The following CCBE1 variants were observed in gnomAD, a reference collection of about 807,000 sequenced individuals.
CCBE1 encodes collagen and calcium-binding EGF domain-containing protein 1.
A neutral mutation model predicts 50.0 loss-of-function variants in CCBE1; 37 were observed. That is an observed-to-expected ratio of 0.74 (90% CI 0.57 to 0.97). The LOEUF (loss-of-function observed/expected upper bound fraction) is 0.97. Among genes scored for constraint, CCBE1 ranks in the 50% least tolerant of loss-of-function variants. The probability of loss-of-function intolerance (pLI) is 0.00; values close to 1 mark genes in which losing one functional copy is unlikely to be tolerated. For missense variants in CCBE1, 538 were observed against 523.8 expected, an observed-to-expected ratio of 1.03 and a Z score of -0.26; for synonymous variants, 234 against 203.7, an observed-to-expected ratio of 1.15 and a Z score of -1.27.
At chr18:59,549,725 G>A (rs925210992) in intron 2 of CCBE1, among the ~76,000 whole-genome samples, 3 of 152,250 alleles carry the variant, frequency 2.0e-5, no homozygotes, top group African/African-American at 4.8e-5. Flanking sequence ...CAATTAACTT[G>A]TCCCTAGCAA....
At chr18:59,695,705 C>G (rs1401056661) in intron 2 of CCBE1, among the ~76,000 whole-genome samples, 1 of 152,198 alleles carries the variant, frequency 6.6e-6, no homozygotes, top group Non-Finnish European at 1.5e-5. Context: ...AAGTTCGTTT[C>G]TAGGGACTGC....
At chr18:59,619,965 G>T (rs2053689836) in intron 2 of CCBE1, among the ~76,000 whole-genome samples, 1 of 152,154 alleles carries the variant, frequency 6.6e-6, no homozygotes, top group Non-Finnish European at 1.5e-5. Flanking sequence ...ACGGCAGAAA[G>T]CTGGACAAGA....
intron 5 of CCBE1, among the ~76,000 whole-genome samples, chr18:59,458,543 A>G (rs967599258): frequency 6.6e-6 from 1 of 152,234 alleles, no homozygotes; most frequent in Non-Finnish European, 1.5e-5. Context: ...CATTTAGATC[A>G]TGGAATGTTA....
intron 5 of CCBE1, 36 bp downstream of exon 5, chr18:59,466,703 T>C (rs1422829299): frequency 3.3e-6 from 5 of 1,527,662 alleles, no homozygotes; most frequent in Admixed American, 1.7e-5. Flanking sequence ...TATAAAAATA[T>C]GTAATTAGGG....
intron 2 of CCBE1, among the ~76,000 whole-genome samples, chr18:59,501,723 T>A (rs1199906925): frequency 6.6e-6 from 1 of 152,076 alleles, no homozygotes; most frequent in Non-Finnish European, 1.5e-5. Flanking sequence ...CAGGCTAGAG[T>A]CCACTAGAGA....
intron 2 of CCBE1, among the ~76,000 whole-genome samples, chr18:59,547,081 A>AGAGAGGGGGAGAGAGGGGGAGAGAG (rs199649204): frequency 7.0e-5 from 2 of 28,406 alleles, no homozygotes; most frequent in South Asian, 1.7e-3. Flanking sequence ...GGGGGAGAGA[A>AGAGAGGGGGAGAGAGGGGGAGAGAG]AGGGAGAGAG....
At chr18:59,513,437 T>C (rs1364506758) in intron 2 of CCBE1, among the ~76,000 whole-genome samples, 3 of 152,208 alleles carry the variant, frequency 2.0e-5, no homozygotes, top group African/African-American at 7.2e-5. Context: ...TGTCTGGCTG[T>C]CCAGGAAAGG....
chr18:59,602,838 T>C (rs369251962), intron 2 of CCBE1, among the ~76,000 whole-genome samples: 50 of 152,180 alleles, frequency 3.3e-4, no homozygotes, highest in Admixed American at 2.7e-3. Context: ...AAACTAAAGA[T>C]GGCGCAGCCT....
chr18:59,600,626 G>A (rs891964387), intron 2 of CCBE1, among the ~76,000 whole-genome samples: 6 of 152,034 alleles, frequency 3.9e-5, no homozygotes, highest in East Asian at 1.9e-4. Flanking sequence ...CAATTCACCC[G>A]GGTTAGCAAA....
intron 2 of CCBE1, among the ~76,000 whole-genome samples, chr18:59,620,576 T>C (rs1448147219): frequency 6.6e-6 from 1 of 152,164 alleles, no homozygotes; most frequent in African/African-American, 2.4e-5. Context: ...ACAATTCCCA[T>C]GTGTTGTGAA....
At chr18:59,489,222 C>T (rs150663907) in intron 2 of CCBE1, among the ~76,000 whole-genome samples, 1 of 152,322 alleles carries the variant, frequency 6.6e-6, no homozygotes, top group East Asian at 1.9e-4. Flanking sequence ...ATGTCAACAG[C>T]AGCACACACT....
chr18:59,554,637 G>A (rs1599008549), intron 2 of CCBE1, among the ~76,000 whole-genome samples: 1 of 152,178 alleles, frequency 6.6e-6, no homozygotes, highest in Non-Finnish European at 1.5e-5. Context: ...GTATAGAACA[G>A]GCCAACACTG....
chr18:59,644,901 T>C (rs1183279996), intron 2 of CCBE1, among the ~76,000 whole-genome samples: 1 of 152,216 alleles, frequency 6.6e-6, no homozygotes, highest in Non-Finnish European at 1.5e-5. Flanking sequence ...AAAAAGAGAT[T>C]ATCTCAAATT....
At chr18:59,686,419 C>T (rs927207257) in intron 2 of CCBE1, among the ~76,000 whole-genome samples, 2 of 152,232 alleles carry the variant, frequency 1.3e-5, no homozygotes, top group Admixed American at 1.3e-4. Context: ...GCTCCAGAGT[C>T]AGACTGCCTG....
chr18:59,544,543 G>A (rs1002562076), intron 2 of CCBE1, among the ~76,000 whole-genome samples: 1 of 152,204 alleles, frequency 6.6e-6, no homozygotes, highest in Admixed American at 6.5e-5. Flanking sequence ...ACTAGAAGAG[G>A]AATGTTTTTC....
At chr18:59,658,321 TAAAA>T (rs1157998930) in intron 2 of CCBE1, among the ~76,000 whole-genome samples, 217 of 6,420 alleles carry the variant, frequency 0.034, 46 homozygotes, top group African/African-American at 0.063. Context: ...ACCCTGTCTC[TAAAA>T]AAAAAAAAAA....
intron 2 of CCBE1, among the ~76,000 whole-genome samples, chr18:59,631,833 C>A (rs1471908433): frequency 2.6e-5 from 4 of 152,112 alleles, no homozygotes; most frequent in Non-Finnish European, 5.9e-5. Flanking sequence ...AATTAGGACC[C>A]TTAAAAGCGA....
At chr18:59,559,607 A>G (rs896524967) in intron 2 of CCBE1, among the ~76,000 whole-genome samples, 2 of 152,246 alleles carry the variant, frequency 1.3e-5, no homozygotes, top group Non-Finnish European at 2.9e-5. Flanking sequence ...CTTGTGTTTA[A>G]TAACAGAACT....
chr18:59,571,465 C>T (rs1035111072), intron 2 of CCBE1, among the ~76,000 whole-genome samples: 30 of 82,018 alleles, frequency 3.7e-4, no homozygotes, highest in African/African-American at 1.2e-3. Flanking sequence ...CATCACACAC[C>T]GGGGACTTTT....
Sources: allele counts gnomAD v4.1 joint callset (sites outside exome capture counted in the v4.1 genomes callset), GRCh38; gene constraint gnomAD v4.1.1; transcripts MANE v1.5; gene names NCBI Gene and HGNC (gene_info 2026-07-23, HGNC 2026-07-21).